CECR2: variants seen among roughly 807,000 people sequenced by gnomAD.
CECR2 encodes CECR2 histone acetyl-lysine reader, also known as chromatin remodeling regulator CECR2.
CECR2 carries 30 observed loss-of-function variants against 154.5 expected under a neutral mutation model. That is an observed-to-expected ratio of 0.19 (90% CI 0.15 to 0.26). CECR2 has a LOEUF of 0.26. CECR2 is among the 10% of genes least tolerant of loss of function. The pLI is 1.00. For synonymous variants in CECR2, 725 were observed against 683.7 expected (o/e 1.06, Z -0.94); for missense variants, 1,743 against 1,829.3 (o/e 0.95, Z 0.86).
chr22:17,481,614 A>G (rs1319974905), intron 2 of CECR2, among the ~76,000 whole-genome samples: 1 of 152,184 alleles, frequency 6.6e-6, no homozygotes, highest in Non-Finnish European at 1.5e-5. Context: ...AGGGCCAGAT[A>G]GTCAATACAG....
At chr22:17,524,692 CT>C (rs1188195849) in intron 9 of CECR2, among the ~76,000 whole-genome samples, 3,165 of 44,056 alleles carry the variant, frequency 0.072, 48 homozygotes, top group East Asian at 0.12. Context: ...ATGCCTGGCC[CT>C]TTTTTTTTTT....
intron 1 of CECR2, among the ~76,000 whole-genome samples, chr22:17,406,746 A>G (rs1463422472): frequency 2.6e-5 from 4 of 152,206 alleles, no homozygotes; most frequent in Non-Finnish European, 5.9e-5. Flanking sequence ...TTGCAGTGAC[A>G]GCTTTGAACT....
rs754672917 is a variant in CECR2, at chr22:17,537,196, A to G, written c.1202A>G (p.Asn401Ser). Residue 401 changes from asparagine (N) to serine (S), a missense_variant, in exon 10 of 19, where the codon AAT becomes AGT. Asn to Ser is a conservative substitution (Grantham distance 46, BLOSUM62 1). Transcript: ENST00000262608. ...CCAGAACTTTCCCATCTGGACCCCA[A>G]TTCCCCCATGAGAGAGGAAAAAAAG... ...LPPELSHLDP[N>S]SPMREEKKTK... 47 of 1,613,876 alleles carry G rather than the reference A, an allele frequency of 2.9e-5. No homozygotes were observed. The highest frequency in any genetic ancestry group is 3.3e-4 in the Middle Eastern group (2 of 6,084).
At chr22:17,524,643 T>C (rs174321) in intron 9 of CECR2, among the ~76,000 whole-genome samples, 32 of 134,882 alleles carry the variant, frequency 2.4e-4, no homozygotes, top group Middle Eastern at 3.7e-3. Context: ...CTGCCCGCCT[T>C]GGCCTCCCAA....
chr22:17,504,744 T>G (rs1601474696), intron 6 of CECR2, 103 bp from the exon 7 acceptor site: 2 of 1,068,828 alleles, frequency 1.9e-6, no homozygotes, highest in South Asian at 3.2e-5. Context: ...CCCGGCCGAG[T>G]TCCTTATTTT....
Position 17,504,399 on chromosome 22 carries a change from G to A in CECR2, c.701-448G>A, listed in dbSNP as rs2055796384. On this transcript the variant is annotated intron_variant, in intron 6 of 18. Coordinates refer to ENST00000262608, the MANE Select transcript of CECR2 (RefSeq NM_001290047.2). Reference sequence around the variant, plus strand: ...CAAAAAAAATAAAATTAAGTAATAGGTCTCTTTTTTGAGTTCCTTATTTTA... The same window carrying A: ...CAAAAAAAATAAAATTAAGTAATAGATCTCTTTTTTGAGTTCCTTATTTTA... 2.0e-5 allele frequency among the ~76,000 whole-genome samples: 3 copies of A among 151,522 alleles called. No individual in the cohort carries two copies. In the South Asian group the frequency reaches 6.2e-4, roughly 31 times the overall value.
At chr22:17,496,279 C>T (rs1488168902) in intron 2 of CECR2, among the ~76,000 whole-genome samples, 3 of 151,882 alleles carry the variant, frequency 2.0e-5, no homozygotes, top group Non-Finnish European at 4.4e-5. Flanking sequence ...GGGTGGATCA[C>T]GAGGTCAGGA....
At chr22:17,489,921 C>T (rs551152757) in intron 2 of CECR2, among the ~76,000 whole-genome samples, 3 of 146,580 alleles carry the variant, frequency 2.0e-5, no homozygotes, top group African/African-American at 5.0e-5. Flanking sequence ...TGTTTTTGAG[C>T]CTTTTTTCAA....
intron 1 of CECR2, among the ~76,000 whole-genome samples, chr22:17,422,065 A>G (rs2054263642): frequency 6.6e-6 from 1 of 151,652 alleles, no homozygotes; most frequent in Non-Finnish European, 1.5e-5. Flanking sequence ...AGTCAGATAT[A>G]TTGTAATTCT....
At chr22:17,519,782 A>G (rs904261313) in intron 8 of CECR2, among the ~76,000 whole-genome samples, 1 of 149,710 alleles carries the variant, frequency 6.7e-6, no homozygotes, top group African/African-American at 2.5e-5. Context: ...ATGTTGGTTT[A>G]GATTATCAAG....
At position 17,540,266 on chromosome 22, in the gene CECR2, C is replaced by A. The variant is rs145883674; in HGVS notation, c.1496-146C>A. The A allele has an allele frequency of 1.3e-5, 9 of 694,402 alleles. No individual in the cohort carries two copies. In the African/African-American group the frequency reaches 1.5e-4, roughly 11 times the overall value. 43.0% of individuals were successfully genotyped at this position (694,402 alleles called of 1,614,324 possible). On this transcript the variant is annotated intron_variant, in intron 13 of 18. Coordinates refer to ENST00000262608, the MANE Select transcript of CECR2 (RefSeq NM_001290047.2). Reference sequence around the variant, plus strand: ...ATGTGCCCTAAAGGTGAATTAAACTCATAGATTACCCAGGTTGCATCTTCT... The same window carrying A: ...ATGTGCCCTAAAGGTGAATTAAACTAATAGATTACCCAGGTTGCATCTTCT...
chr22:17,517,023 C>T lies in CECR2; in HGVS notation c.954+5127C>T, dbSNP rs566027863. 4.6e-5 allele frequency among the ~76,000 whole-genome samples: 7 copies of T among 152,102 alleles called. No homozygotes were observed. The South Asian group carries it at 6.2e-4, about 14-fold the overall frequency. The stretch of plus-strand genomic sequence containing the variant: ...CCTCCCGAGTAGCTGGGATTATAGG[C>T]GCCTGCCACCACGCCTGGCTAATTT... On this transcript the variant is annotated intron_variant, in intron 8 of 18. Transcript: ENST00000262608.
At chr22:17,487,694 T>C (rs1055546311) in intron 2 of CECR2, among the ~76,000 whole-genome samples, 1 of 152,048 alleles carries the variant, frequency 6.6e-6, no homozygotes, top group African/African-American at 2.4e-5. Flanking sequence ...TTTCATTAAA[T>C]ACTCATGATG....
chr22:17,549,331 C>T lies in CECR2; in HGVS notation c.4044C>T (p.Pro1348=). The change falls in exon 17 of 19, where the codon CCC becomes CCT. Residue 1348 remains proline (P), a synonymous_variant. Transcript: ENST00000262608. The part of the protein sequence containing the change: ...PHSVMLQTGP[P]YTPQRPASHF... The stretch of plus-strand genomic sequence containing the variant: ...GTGTGATGCTGCAGACGGGGCCTCC[C>T]TATACCCCTCAGCGGCCGGCCAGTC... 1 of 1,613,986 alleles carries T rather than the reference C, an allele frequency of 6.2e-7. No individual in the cohort carries two copies. The highest frequency in any genetic ancestry group is 8.5e-7 in the Non-Finnish European group (1 of 1,179,884).
intron 1 of CECR2, among the ~76,000 whole-genome samples, chr22:17,417,488 A>T (rs4819586): frequency 0.2 from 30,266 of 151,764 alleles, 4,097 homozygotes; most frequent in African/African-American, 0.39. Context: ...CTGAAAAAAA[A>T]TTTTTTTTAA....
intron 1 of CECR2, among the ~76,000 whole-genome samples, chr22:17,374,721 G>A (rs2063098087): frequency 6.6e-6 from 1 of 152,216 alleles, no homozygotes; most frequent in Non-Finnish European, 1.5e-5. Context: ...ATAACGTGAT[G>A]ATAAATGACA....
At chr22:17,549,627 TTTTGAGACAGAGTCTCAC>T in intron 17 of CECR2, 63 bp downstream of exon 17, 1 of 1,372,654 alleles carries the variant, frequency 7.3e-7, no homozygotes. Flanking sequence ...ATGTATTTAT[TTTTGAGACAGAGTCTCAC>T]TTTGTCACCC....
At chr22:17,374,076 C>T (rs1415071361) in intron 1 of CECR2, among the ~76,000 whole-genome samples, 1 of 152,140 alleles carries the variant, frequency 6.6e-6, no homozygotes, top group Non-Finnish European at 1.5e-5. Flanking sequence ...GGATGTGGGG[C>T]TGCATTGGTG....
At chr22:17,379,586 G>A (rs1199818290) in intron 1 of CECR2, among the ~76,000 whole-genome samples, 3 of 131,940 alleles carry the variant, frequency 2.3e-5, no homozygotes, top group East Asian at 4.4e-4. Context: ...TTGAAGGTGT[G>A]TGTGTGTGTG....
Sources: allele counts gnomAD v4.1 joint callset (sites outside exome capture counted in the v4.1 genomes callset), GRCh38; gene constraint gnomAD v4.1.1; transcripts MANE v1.5; gene names NCBI Gene and HGNC (gene_info 2026-07-23, HGNC 2026-07-21).